Variants in RASAL2 observed in about 807,000 individuals in gnomAD.
RASAL2 encodes RAS protein activator like 2.
RASAL2 carries 58 observed loss-of-function variants against 128.9 expected under a neutral mutation model. The observed-to-expected ratio is 0.45, with a 90% CI of 0.36 to 0.56. The LOEUF (loss-of-function observed/expected upper bound fraction) is 0.56. Ranked by LOEUF, RASAL2 falls within the 20% of genes least tolerant of loss-of-function variation. The pLI is 0.00. For missense variants in RASAL2, 1,360 were observed against 1,601.6 expected, an observed-to-expected ratio of 0.85 and a Z score of 2.57; for synonymous variants, 561 against 580.8, an observed-to-expected ratio of 0.97 and a Z score of 0.49.
chr1:178,145,899 ACT>A (rs1351188411), intron 1 of RASAL2, among the ~76,000 whole-genome samples: 1 of 152,188 alleles, frequency 6.6e-6, no homozygotes, highest in Non-Finnish European at 1.5e-5. Flanking sequence ...ATTAGCCAAA[ACT>A]CACACACATA....
chr1:178,291,292 A>G (rs548206207), intron 2 of RASAL2, among the ~76,000 whole-genome samples: 2 of 152,342 alleles, frequency 1.3e-5, no homozygotes, highest in South Asian at 2.1e-4. Flanking sequence ...CTTGAAGGCT[A>G]TGATGAGGAA....
intron 10 of RASAL2, 74 bp downstream of exon 10, chr1:178,451,789 G>T: frequency 6.7e-7 from 1 of 1,490,206 alleles, no homozygotes. Flanking sequence ...ATTTTTTCAT[G>T]TAAAAGTCAT....
intron 4 of RASAL2, among the ~76,000 whole-genome samples, chr1:178,419,460 T>A (rs1240029814): frequency 1.3e-5 from 2 of 151,786 alleles, no homozygotes; most frequent in African/African-American, 2.4e-5. Context: ...TTTATTTTAT[T>A]TTATTTTTGT....
In RASAL2 at chr1:178,457,719, C is replaced by T; in HGVS notation, c.2427C>T (p.Asn809=). The change falls in exon 14 of 18, where the codon AAC becomes AAT. Residue 809 remains asparagine, a synonymous_variant. Coordinates refer to ENST00000367649, the MANE Select transcript of RASAL2 (RefSeq NM_170692.4). ...LHKLKSPSQD[N]TDSYFRGKTL... ...AACTAAAATCTCCAAGCCAGGACAACACAGACAGCTACTTCAGAGGGAAAA... is the reference window on the plus strand; with the variant it reads ...AACTAAAATCTCCAAGCCAGGACAATACAGACAGCTACTTCAGAGGGAAAA... The T allele has an allele frequency of 6.2e-7, 1 of 1,614,152 alleles. No homozygotes were observed. Among genetic ancestry groups the T allele is most frequent in the Non-Finnish European group, 8.5e-7 (1 of 1,180,026 alleles).
At chr1:178,121,670 G>A (rs6704239) in intron 1 of RASAL2, among the ~76,000 whole-genome samples, 1 of 151,954 alleles carries the variant, frequency 6.6e-6, no homozygotes, top group Non-Finnish European at 1.5e-5. Context: ...ATTTTTAGTA[G>A]AGCTGGGGTT....
chr1:178,156,303 T>G (rs1661082408), intron 1 of RASAL2, among the ~76,000 whole-genome samples: 1 of 152,218 alleles, frequency 6.6e-6, no homozygotes, highest in African/African-American at 2.4e-5. Context: ...TTTATTAAAC[T>G]TTATATGTTA....
intron 3 of RASAL2, among the ~76,000 whole-genome samples, chr1:178,300,875 T>G (rs1404406459): frequency 6.6e-6 from 1 of 152,190 alleles, no homozygotes; most frequent in African/African-American, 2.4e-5. Flanking sequence ...AGGAATTGTT[T>G]TGGTGCTTTA....
At chr1:178,321,085 A>G (rs146079088) in intron 3 of RASAL2, among the ~76,000 whole-genome samples, 86 of 152,126 alleles carry the variant, frequency 5.7e-4, no homozygotes, top group Middle Eastern at 6.8e-3. Context: ...ATAATTTTTT[A>G]TTTATTTATT....
intron 4 of RASAL2, among the ~76,000 whole-genome samples, chr1:178,408,612 G>GTTTTTTTTTTTTTTTTTTTTTT (rs756656921): frequency 1.4e-5 from 2 of 142,474 alleles, no homozygotes; most frequent in African/African-American, 5.7e-5. Context: ...GTTTTTTTTT[G>GTTTTTTTTTTTTTTTTTTTTTT]TTTTTTGTTT....
At chr1:178,123,740 A>G (rs1659794138) in intron 1 of RASAL2, 1 of 152,476 alleles carries the variant, frequency 6.6e-6, no homozygotes, top group South Asian at 2.1e-4. Context: ...TGGTACAGCC[A>G]TGGCTCATTG....
At chr1:178,382,626 AGTTCCAC>A (rs1031983485) in intron 3 of RASAL2, among the ~76,000 whole-genome samples, 12 of 152,110 alleles carry the variant, frequency 7.9e-5, no homozygotes, top group African/African-American at 2.9e-4. Flanking sequence ...CATGGGTGAT[AGTTCCAC>A]CTCCAAAGAG....
At chr1:178,285,027 T>C (rs576851415) in intron 2 of RASAL2, among the ~76,000 whole-genome samples, 2 of 152,058 alleles carry the variant, frequency 1.3e-5, no homozygotes, top group East Asian at 3.9e-4. Context: ...TTTCTCAGCA[T>C]TTTTTAATGT....
intron 9 of RASAL2, among the ~76,000 whole-genome samples, chr1:178,448,421 A>G (rs1376629612): frequency 3.9e-5 from 6 of 152,224 alleles, no homozygotes; most frequent in East Asian, 1.9e-4. Context: ...CTGTGTTTAC[A>G]TGAAGCAGAC....
intron 4 of RASAL2, among the ~76,000 whole-genome samples, chr1:178,393,176 G>T (rs1450927569): frequency 1.3e-5 from 2 of 152,160 alleles, no homozygotes; most frequent in Non-Finnish European, 1.5e-5. Flanking sequence ...ACCAGGGTTG[G>T]GTTGTGGGGG....
At chr1:178,307,083 C>T (rs1019630332) in intron 3 of RASAL2, among the ~76,000 whole-genome samples, 2 of 150,600 alleles carry the variant, frequency 1.3e-5, no homozygotes, top group African/African-American at 4.9e-5. Flanking sequence ...AGTTATATAA[C>T]AGCATGTGCA....
At chr1:178,460,646 G>GTCCGGGTACAGGCACAGTGAGATT (rs1678126802) in intron 14 of RASAL2, among the ~76,000 whole-genome samples, 2 of 152,116 alleles carry the variant, frequency 1.3e-5, no homozygotes, top group African/African-American at 4.8e-5. Context: ...ACAGTGAGAT[G>GTCCGGGTACAGGCACAGTGAGATT]TCCAGGTACA....
intron 4 of RASAL2, among the ~76,000 whole-genome samples, chr1:178,407,651 A>G (rs1265640893): frequency 6.6e-6 from 1 of 152,150 alleles, no homozygotes; most frequent in East Asian, 1.9e-4. Context: ...TTGCTGTAAC[A>G]TTGTCCTTAA....
Position 178,265,642 on chromosome 1 carries a change from A to T in RASAL2, c.203-17922A>T, listed in dbSNP as rs1454592807. On this transcript the variant is annotated intron_variant, in intron 1 of 17. Transcript: ENST00000367649. ...TAAACTTTTTATGAAAGGATAATGT[A>T]CACAAAGTACATAAATTGTATAGCT... Among the ~76,000 whole-genome samples, 9 of 152,328 alleles carry T rather than the reference A, an allele frequency of 5.9e-5. No individual in the cohort carries two copies. The East Asian group carries it at 1.7e-3, about 29-fold the overall frequency.
intron 1 of RASAL2, among the ~76,000 whole-genome samples, chr1:178,162,535 CTT>C (rs1491229589): frequency 7.5e-4 from 79 of 105,536 alleles, no homozygotes; most frequent in Admixed American, 1.9e-3. Context: ...TATAATATAT[CTT>C]TATATAAAAT....
Sources: gnomAD v4.1 joint callset for allele counts (sites outside exome capture counted in the v4.1 genomes callset) on GRCh38, gnomAD v4.1.1 for gene constraint, MANE v1.5 for transcripts, NCBI Gene and HGNC (gene_info 2026-07-23, HGNC 2026-07-21) for gene names.